The following ROBO1 variants were observed in gnomAD, a reference collection of about 807,000 sequenced individuals.
The protein encoded by ROBO1 is roundabout homolog 1.
ROBO1 carries 149 observed loss-of-function variants against 195.9 expected under a neutral mutation model. The ratio of observed to expected loss-of-function variants is 0.76; its 90% CI spans 0.67 to 0.87. ROBO1 has a LOEUF of 0.87. ROBO1 is among the 40% of genes least tolerant of loss of function. ROBO1 has a pLI of 0.00. For synonymous variants in ROBO1, 816 were observed against 733.2 expected, an observed-to-expected ratio of 1.11 and a Z score of -1.82; for missense variants, 1,933 against 2,068.3, an observed-to-expected ratio of 0.93 and a Z score of 1.27.
At position 78,934,093 on chromosome 3, in the gene ROBO1, T is replaced by A. The variant is rs1021968662; in HGVS notation, c.499+4508A>T. On this transcript the variant is annotated intron_variant, in intron 4 of 30. Transcript: ENST00000464233. The stretch of plus-strand genomic sequence containing the variant: ...AAATCAGAACTGTCCAAGTCCCCTT[T>A]AGATAAGAGGATTTGTTTAAATAAT... Among the ~76,000 whole-genome samples, 8 of 152,144 alleles carry A rather than the reference T, an allele frequency of 5.3e-5. No individual in the cohort carries two copies. The South Asian group carries it at 8.3e-4, about 16-fold the overall frequency.
At chr3:79,062,023 T>G (rs1353491669) in intron 3 of ROBO1, among the ~76,000 whole-genome samples, 1 of 152,006 alleles carries the variant, frequency 6.6e-6, no homozygotes, top group Non-Finnish European at 1.5e-5. Context: ...ACTAAAGAGC[T>G]TCTGCACAGG....
At chr3:79,319,457 C>T (rs1281123445) in intron 2 of ROBO1, among the ~76,000 whole-genome samples, 2 of 151,970 alleles carry the variant, frequency 1.3e-5, no homozygotes, top group African/African-American at 4.8e-5. Flanking sequence ...AACAGAATAC[C>T]TGGGTGTAAT....
chr3:79,105,587 C>A (rs2079762950), intron 3 of ROBO1, among the ~76,000 whole-genome samples: 1 of 151,678 alleles, frequency 6.6e-6, no homozygotes, highest in South Asian at 2.1e-4. Flanking sequence ...TTATGAATTT[C>A]ATGCCTGTGG....
At chr3:79,578,249 T>G (rs1242151993) in intron 2 of ROBO1, among the ~76,000 whole-genome samples, 2 of 152,176 alleles carry the variant, frequency 1.3e-5, no homozygotes, top group Non-Finnish European at 2.9e-5. Flanking sequence ...AAAGCTAAAC[T>G]TAGTCTTACA....
chr3:78,700,168 G>A (rs2081387773), intron 8 of ROBO1, among the ~76,000 whole-genome samples: 1 of 152,090 alleles, frequency 6.6e-6, no homozygotes, highest in African/African-American at 2.4e-5. Flanking sequence ...TGACAATAAT[G>A]TTCCAATAGC....
intron 4 of ROBO1, among the ~76,000 whole-genome samples, chr3:78,918,316 AAATTTGG>A (rs1045742427): frequency 6.6e-6 from 1 of 152,150 alleles, no homozygotes; most frequent in African/African-American, 2.4e-5. Flanking sequence ...AAATATATAA[AAATTTGG>A]AATGTCTATG....
At chr3:78,674,703 T>A (rs982992657) in intron 10 of ROBO1, among the ~76,000 whole-genome samples, 3 of 152,192 alleles carry the variant, frequency 2.0e-5, no homozygotes, top group Non-Finnish European at 2.9e-5. Context: ...CGTGATCTAG[T>A]CTCACAAATA....
chr3:79,460,904 C>T (rs1190452506), intron 2 of ROBO1, among the ~76,000 whole-genome samples: 9 of 151,126 alleles, frequency 6.0e-5, no homozygotes, highest in East Asian at 1.9e-4. Flanking sequence ...CCCACCACCA[C>T]GCCCGGCTAA....
intron 3 of ROBO1, among the ~76,000 whole-genome samples, chr3:78,961,402 G>T (rs560261085): frequency 9.1e-4 from 138 of 152,286 alleles, no homozygotes; most frequent in African/African-American, 3.2e-3. Flanking sequence ...ATGTGTTTAA[G>T]AATAGTAAGA....
Position 78,668,192 on chromosome 3 carries a change from A to C in ROBO1, c.1741T>G (p.Trp581Gly), listed in dbSNP as rs1300207735. The stretch of plus-strand genomic sequence containing the variant: ...GCTCCTGAATTCAAATTTGGTTGCC[A>C]CGATAATGTGACTGTATTTCTGCTG... ...DVSRNTVTLS[W>G]QPNLNSGATP... The change falls in exon 13 of 31, where the codon TGG becomes GGG. Residue 581 changes from tryptophan to glycine, a missense_variant. Physicochemically the swap from Trp to Gly is radical, Grantham distance 184. Transcript: ENST00000464233. 1 of 1,613,466 alleles carries C rather than the reference A, an allele frequency of 6.2e-7. No individual in the cohort carries two copies. Among genetic ancestry groups the C allele is most frequent in the Non-Finnish European group, 8.5e-7 (1 of 1,179,538 alleles).
chr3:79,706,092 A>G (rs1338807414), intron 1 of ROBO1, among the ~76,000 whole-genome samples: 1 of 152,068 alleles, frequency 6.6e-6, no homozygotes, highest in Non-Finnish European at 1.5e-5. Flanking sequence ...ATAGACAAAC[A>G]TGTCTGTCAT....
At chr3:79,584,928 T>G (rs1463606818) in intron 2 of ROBO1, among the ~76,000 whole-genome samples, 1 of 151,970 alleles carries the variant, frequency 6.6e-6, no homozygotes, top group Non-Finnish European at 1.5e-5. Context: ...AAGTCCATTA[T>G]TATTGTTGCT....
intron 4 of ROBO1, among the ~76,000 whole-genome samples, chr3:78,822,789 T>G (rs2031141204): frequency 6.6e-6 from 1 of 152,232 alleles, no homozygotes. Context: ...TGCAAATATT[T>G]TCCAATGATT....
At chr3:78,967,005 C>G (rs1460403541) in intron 3 of ROBO1, among the ~76,000 whole-genome samples, 3 of 152,202 alleles carry the variant, frequency 2.0e-5, no homozygotes, top group African/African-American at 7.2e-5. Context: ...TCCTACCTCA[C>G]AGGATTGTTA....
At chr3:79,527,344 T>G (rs750697539) in intron 2 of ROBO1, among the ~76,000 whole-genome samples, 12 of 152,172 alleles carry the variant, frequency 7.9e-5, no homozygotes, top group Non-Finnish European at 1.5e-4. Context: ...GTTACTAGGA[T>G]AACCCCAAAT....
At chr3:79,341,768 A>T (rs2034917108) in intron 2 of ROBO1, among the ~76,000 whole-genome samples, 4 of 152,194 alleles carry the variant, frequency 2.6e-5, no homozygotes. Flanking sequence ...TAATATTCAG[A>T]TTAATAGAAT....
chr3:78,658,413 C>G lies in ROBO1; in HGVS notation c.2443-1144G>C, dbSNP rs537818432. On this transcript the variant is annotated intron_variant, in intron 17 of 30. Transcript: ENST00000464233. ...TCCAGTGATTCTCCTGCCTCAGCCT[C>G]CTGAGTAGCTGGGATTAAAGGTGTG... Among the ~76,000 whole-genome samples the G allele has an allele frequency of 4.6e-5, 7 of 152,322 alleles. No homozygotes were observed. The South Asian group carries it at 1.5e-3, about 32-fold the overall frequency.
chr3:79,387,644 A>T (rs2036801777), intron 2 of ROBO1, among the ~76,000 whole-genome samples: 2 of 151,948 alleles, frequency 1.3e-5, no homozygotes, highest in South Asian at 4.1e-4. Context: ...GCAAGGATAC[A>T]TTTACATATT....
chr3:79,764,752 T>A (rs1704895405), intron 1 of ROBO1, among the ~76,000 whole-genome samples: 1 of 152,250 alleles, frequency 6.6e-6, no homozygotes, highest in African/African-American at 2.4e-5. Context: ...AGCTTCCTTT[T>A]CATCTCTGGT....
Sources: gnomAD v4.1 joint callset for allele counts (sites outside exome capture counted in the v4.1 genomes callset) on GRCh38, gnomAD v4.1.1 for gene constraint, MANE v1.5 for transcripts, NCBI Gene and HGNC (gene_info 2026-07-23, HGNC 2026-07-21) for gene names.